GRID2: variants seen among roughly 807,000 people sequenced by gnomAD.
GRID2 encodes the protein glutamate receptor ionotropic, delta-2.
Under a neutral mutation model 114.8 loss-of-function variants are expected in GRID2, and 33 were observed. The observed-to-expected ratio is 0.29, with a 90% CI of 0.22 to 0.38. The LOEUF is 0.38. Ranked by LOEUF, GRID2 falls within the 10% of genes least tolerant of loss-of-function variation. The pLI is 1.00. For synonymous variants in GRID2, 505 were observed against 449.9 expected (o/e 1.12, Z -1.55); for missense variants, 1,184 against 1,257.7 (o/e 0.94, Z 0.89).
chr4:93,028,016 T>G (rs1353359079), intron 2 of GRID2, among the ~76,000 whole-genome samples: 1 of 152,154 alleles, frequency 6.6e-6, no homozygotes, highest in Non-Finnish European at 1.5e-5. Context: ...CATTATAGTA[T>G]CTAATTCACA....
chr4:93,189,465 G>T (rs1201409100), intron 4 of GRID2, among the ~76,000 whole-genome samples: 1 of 151,984 alleles, frequency 6.6e-6, no homozygotes, highest in African/African-American at 2.4e-5. Flanking sequence ...TTCCCAAAGG[G>T]CCCATCTTCT....
intron 1 of GRID2, among the ~76,000 whole-genome samples, chr4:92,409,554 C>T (rs544321715): frequency 7.4e-4 from 113 of 152,118 alleles, no homozygotes; most frequent in African/African-American, 2.4e-3. Flanking sequence ...ACATATATTT[C>T]TCAAAATTAG....
intron 2 of GRID2, among the ~76,000 whole-genome samples, chr4:92,827,010 T>C (rs1741750812): frequency 2.0e-5 from 3 of 152,144 alleles, no homozygotes; most frequent in South Asian, 4.1e-4. Flanking sequence ...ATCAAAAATA[T>C]CCAAAATTTT....
chr4:92,453,609 T>C (rs1307042097), intron 1 of GRID2, among the ~76,000 whole-genome samples: 1 of 152,200 alleles, frequency 6.6e-6, no homozygotes, highest in Non-Finnish European at 1.5e-5. Context: ...CTTTCATTTA[T>C]GTTTTAAAAT....
At chr4:92,985,430 G>A (rs1754456453) in intron 2 of GRID2, among the ~76,000 whole-genome samples, 1 of 151,882 alleles carries the variant, frequency 6.6e-6, no homozygotes, top group African/African-American at 2.4e-5. Flanking sequence ...GTAGAGACGG[G>A]GTTTCACCGT....
intron 14 of GRID2, among the ~76,000 whole-genome samples, chr4:93,709,032 A>G (rs947620638): frequency 2.0e-5 from 3 of 152,084 alleles, no homozygotes; most frequent in Admixed American, 2.0e-4. Context: ...GTTTCCATTT[A>G]TATCTTACTG....
chr4:92,870,562 ATATT>A (rs1287193498), intron 2 of GRID2, among the ~76,000 whole-genome samples: 2 of 152,144 alleles, frequency 1.3e-5, no homozygotes, highest in African/African-American at 4.8e-5. Flanking sequence ...TTTCAGATAT[ATATT>A]TATTTTAGTT....
chr4:92,607,616 TG>T (rs1560486151), intron 2 of GRID2, among the ~76,000 whole-genome samples: 2 of 152,040 alleles, frequency 1.3e-5, no homozygotes, highest in South Asian at 4.1e-4. Context: ...CATATCTTTT[TG>T]TTTCCCAGAC....
At chr4:92,592,350 AAAATG>A (rs902563603) in intron 2 of GRID2, among the ~76,000 whole-genome samples, 8 of 152,156 alleles carry the variant, frequency 5.3e-5, no homozygotes, top group South Asian at 2.1e-4. Context: ...AGTAAGAAAA[AAAATG>A]AAATGAAGAC....
At chr4:92,652,696 C>T (rs1487139974) in intron 2 of GRID2, among the ~76,000 whole-genome samples, 5 of 135,514 alleles carry the variant, frequency 3.7e-5, no homozygotes, top group Admixed American at 7.4e-5. Flanking sequence ...TTTGGCCGGG[C>T]GCGGTGGCTC....
At chr4:93,635,609 C>T (rs1362166135) in intron 14 of GRID2, among the ~76,000 whole-genome samples, 1 of 151,892 alleles carries the variant, frequency 6.6e-6, no homozygotes, top group African/African-American at 2.4e-5. Context: ...GGATTTTTAA[C>T]TTAAAGAACT....
At chr4:93,203,536 G>A (rs1294975853) in intron 4 of GRID2, among the ~76,000 whole-genome samples, 1 of 151,976 alleles carries the variant, frequency 6.6e-6, no homozygotes, top group Non-Finnish European at 1.5e-5. Flanking sequence ...AAGAAATATT[G>A]CATAATTTTG....
chr4:93,004,037 A>G (rs1465434197), intron 2 of GRID2, among the ~76,000 whole-genome samples: 3 of 151,912 alleles, frequency 2.0e-5, no homozygotes, highest in African/African-American at 7.2e-5. Context: ...ACATAAGAAA[A>G]TATGCTTGAT....
chr4:93,331,314 CT>C (rs1463599975), intron 8 of GRID2, among the ~76,000 whole-genome samples: 3 of 150,600 alleles, frequency 2.0e-5, no homozygotes, highest in Admixed American at 6.6e-5. Context: ...TTGGGAAATT[CT>C]TCTCCCGTAT....
intron 2 of GRID2, among the ~76,000 whole-genome samples, chr4:92,869,707 CT>C (rs751469775): frequency 6.6e-6 from 1 of 152,136 alleles, no homozygotes; most frequent in Non-Finnish European, 1.5e-5. Context: ...TTCAGCTTTC[CT>C]TTCCTTGATC....
chr4:93,261,041 G>C (rs1416316019), intron 8 of GRID2, among the ~76,000 whole-genome samples: 1 of 151,732 alleles, frequency 6.6e-6, no homozygotes, highest in Non-Finnish European at 1.5e-5. Context: ...CTTCATCATA[G>C]TTCCCTGGGA....
intron 2 of GRID2, among the ~76,000 whole-genome samples, chr4:92,720,532 C>CAAAT (rs760665906): frequency 1.8e-4 from 27 of 151,500 alleles, no homozygotes; most frequent in East Asian, 5.8e-4. Context: ...GACTCCATCT[C>CAAAT]AAATAAATAA....
chr4:92,925,128 G>A, intron 2 of GRID2, among the ~76,000 whole-genome samples: 1 of 151,672 alleles, frequency 6.6e-6, no homozygotes, highest in East Asian at 1.9e-4. Flanking sequence ...AACATTATCA[G>A]CAGAAGTCAT....
chr4:93,716,354 C>G (rs2110181473), intron 14 of GRID2, among the ~76,000 whole-genome samples: 1 of 152,220 alleles, frequency 6.6e-6, no homozygotes, highest in African/African-American at 2.4e-5. Context: ...AGCCAAAACA[C>G]AGCAGGGGGC....
Sources: allele counts gnomAD v4.1 joint callset (sites outside exome capture counted in the v4.1 genomes callset), GRCh38; gene constraint gnomAD v4.1.1; transcripts MANE v1.5; gene names NCBI Gene and HGNC (gene_info 2026-07-23, HGNC 2026-07-21).